The following BAZ2A variants were observed in gnomAD, a reference collection of about 807,000 sequenced individuals.
BAZ2A encodes the protein bromodomain adjacent to zinc finger domain 2A, also known as bromodomain adjacent to zinc finger domain protein 2A.
BAZ2A carries 34 observed loss-of-function variants against 199.9 expected under a neutral mutation model. The ratio of observed to expected loss-of-function variants is 0.17; its 90% CI spans 0.13 to 0.23. BAZ2A has a LOEUF of 0.23. Ranked by LOEUF, BAZ2A falls within the 10% of genes least tolerant of loss-of-function variation. The probability of loss-of-function intolerance (pLI) is 1.00; values close to 1 mark genes in which losing one functional copy is unlikely to be tolerated. For missense variants in BAZ2A, 2,002 were observed against 2,391.1 expected, an observed-to-expected ratio of 0.84 and a Z score of 3.39; for synonymous variants, 857 against 883.9, an observed-to-expected ratio of 0.97 and a Z score of 0.54.
chr12:56,602,871 G>A lies in BAZ2A; in HGVS notation c.3280-14C>T, dbSNP rs761185409. The A allele has an allele frequency of 1.9e-6, 3 of 1,602,160 alleles. No individual in the cohort carries two copies. In the African/African-American group the frequency reaches 4.0e-5, roughly 21 times the overall value. On this transcript the variant is annotated splice_polypyrimidine_tract_variant and intron_variant, in intron 18 of 28. Coordinates refer to ENST00000549884, the MANE Select transcript of BAZ2A (RefSeq NM_001300905.2). ...GAAAAGCTGACGCTGGGTAGACAATGAAAATGAAGATGAATAAACACATTT... is the reference window on the plus strand; with the variant it reads ...GAAAAGCTGACGCTGGGTAGACAATAAAAATGAAGATGAATAAACACATTT...
rs1373655522 is a variant in BAZ2A at position 56,615,004 on chromosome 12, C to A, written c.730+10G>T. The A allele has an allele frequency of 6.2e-7, 1 of 1,607,060 alleles. No individual in the cohort carries two copies. The highest frequency in any genetic ancestry group is 8.5e-7 in the Non-Finnish European group (1 of 1,177,016). Reference sequence around the variant, plus strand: ...TCCTTTCCCCACCCAGTTCACCAACCCAGTTATACCTGGCTGCTCTTCTTC... The same window carrying A: ...TCCTTTCCCCACCCAGTTCACCAACACAGTTATACCTGGCTGCTCTTCTTC... On this transcript the variant is annotated intron_variant, in intron 3 of 28. Transcript: ENST00000549884.
In BAZ2A at chr12:56,603,443, T is replaced by G. The variant is rs757166574; in HGVS notation, c.3220-25A>C. ...CCTAGGGAGAAACACATGGGCATTA[T>G]GAAAAAGGAGGTTATCAGATTCAAG... is the stretch of plus-strand genomic sequence containing the variant. On this transcript the variant is annotated intron_variant, in intron 17 of 28. Transcript: ENST00000549884. 2.5e-6 allele frequency: 4 copies of G among 1,613,772 alleles called. No individual in the cohort carries two copies. In the African/African-American group the frequency reaches 4.0e-5, roughly 16 times the overall value.
Position 56,602,182 on chromosome 12 carries a change from C to G in BAZ2A, c.3435G>C (p.Glu1145Asp). ...AGGAGTCAGTTTCCTTCTTTATCACCTCCTCAGGAACTGTAAAGAGAAGTA... is the reference window on the plus strand; with the variant it reads ...AGGAGTCAGTTTCCTTCTTTATCACGTCCTCAGGAACTGTAAAGAGAAGTA... ...EGTEGNLVPE[E>D]VIKKETDSLK... Residue 1145 changes from glutamate to aspartate, a missense_variant, in exon 20 of 29, where the codon GAG becomes GAC. Glu to Asp is a conservative substitution (Grantham distance 45). This residue lies in a region of BAZ2A where 1,081 missense variants were observed against 1,274.7 expected (regional missense o/e 0.85). Transcript: ENST00000549884. 1.3e-6 allele frequency: 2 copies of G among 1,581,814 alleles called. No homozygotes were observed. The highest frequency in any genetic ancestry group is 1.7e-6 in the Non-Finnish European group (2 of 1,162,930).
At chr12:56,613,312 A>G in intron 4 of BAZ2A, 79 bp from the exon 5 acceptor site, 1 of 1,381,504 alleles carries the variant, frequency 7.2e-7, no homozygotes, top group Non-Finnish European at 1.0e-6. Context: ...CACTGGTCAG[A>G]AAACATCCAA....
Position 56,601,623 on chromosome 12 carries a change from C to T in BAZ2A, c.3994G>A (p.Ala1332Thr), listed in dbSNP as rs1886493951. 1.2e-6 allele frequency: 2 copies of T among 1,613,828 alleles called. No homozygotes were observed. The highest frequency in any genetic ancestry group is 1.3e-5 in the African/African-American group (1 of 74,898). ...ACTGCAGGGGGCGGTGTGGGGGCAG[C>T]ATTGCAGGGCATCTGGGCTGAGATG... ...FNISAQMPCN[A>T]APTPPPAVSE... The change falls in exon 20 of 29, where the codon GCT (alanine) becomes ACT (threonine). Residue 1332 changes from alanine to threonine, a missense_variant. By Grantham distance (58) the Ala-to-Thr change is moderately conservative. This residue lies in a region of BAZ2A where 1,081 missense variants were observed against 1,274.7 expected (regional missense o/e 0.85). Coordinates refer to ENST00000549884, the MANE Select transcript of BAZ2A (RefSeq NM_001300905.2).
In BAZ2A at chr12:56,605,961, T is replaced by C. The variant is rs1488293454; in HGVS notation, c.2362A>G (p.Lys788Glu). 1 of 1,555,526 alleles carries C rather than the reference T, an allele frequency of 6.4e-7. No homozygotes were observed. The highest frequency in any genetic ancestry group is 1.2e-5 in the South Asian group (1 of 84,316). Reference protein sequence around the residue: ...VKMKEKEEVTKAKPACKADKT... With the variant: ...VKMKEKEEVTEAKPACKADKT... The stretch of plus-strand genomic sequence containing the variant: ...TCTGCTTTACAGGCTGGCTTGGCTT[T>C]GGTCACCTCCTCCTTTTCCTTCATT... Residue 788 changes from lysine (K) to glutamate (E), a missense_variant, in exon 13 of 29, where the codon AAA becomes GAA. Coordinates refer to ENST00000549884, the MANE Select transcript of BAZ2A (RefSeq NM_001300905.2).
Position 56,602,833 on chromosome 12 carries a change from G to A in BAZ2A, c.3304C>T (p.Leu1102=), listed in dbSNP as rs370841725. 52 of 1,612,532 alleles carry A rather than the reference G, an allele frequency of 3.2e-5. No individual in the cohort carries two copies. The highest frequency in any genetic ancestry group is 4.0e-5 in the Non-Finnish European group (47 of 1,178,944). Residue 1102 remains leucine, a synonymous_variant, in exon 19 of 29, where the codon CTG becomes TTG. Coordinates refer to ENST00000549884, the MANE Select transcript of BAZ2A (RefSeq NM_001300905.2). The part of the protein sequence containing the change: ...SKRQLFFRKK[L]LHSSQMLRAV... The stretch of plus-strand genomic sequence containing the variant: ...CGAAGCATCTGGGATGAGTGAAGCA[G>A]CTTTTTGCGAAAGAAAAGCTGACGC...
At chr12:56,603,798 A>G in intron 16 of BAZ2A, 98 bp from the exon 17 acceptor site, 1 of 1,377,570 alleles carries the variant, frequency 7.3e-7, no homozygotes, top group Non-Finnish European at 9.9e-7. Context: ...GGATCACCTG[A>G]GGTCAGGAGT....
upstream of BAZ2A, among the ~76,000 whole-genome samples, chr12:56,633,973 T>G (rs1034465700): frequency 3.9e-5 from 6 of 152,154 alleles, no homozygotes; most frequent in Non-Finnish European, 5.9e-5. Context: ...CCTCAAGTGA[T>G]CTGCCCACCT....
Position 56,601,030 on chromosome 12 carries a change from G to C in BAZ2A, c.4363C>G (p.Pro1455Ala). Residue 1455 changes from proline (P) to alanine (A), a missense_variant, in exon 22 of 29, where the codon CCC becomes GCC. Coordinates refer to ENST00000549884, the MANE Select transcript of BAZ2A (RefSeq NM_001300905.2). ...AGTGCCTTCTCCCGGATACCTCGGG[G>C]GTGTAGGGCCTTGAGCATGGCATCC... ...MLDAMLKALHPRGIREKALHK... is the reference protein window; with the variant it reads ...MLDAMLKALHARGIREKALHK... 6.2e-7 allele frequency: 1 copy of C among 1,610,630 alleles called. No homozygotes were observed. The highest frequency in any genetic ancestry group is 1.3e-5 in the African/African-American group (1 of 74,938).
upstream of BAZ2A, chr12:56,636,404 G>A: frequency 7.4e-7 from 1 of 1,352,500 alleles, no homozygotes; most frequent in Non-Finnish European, 9.6e-7. Flanking sequence ...GGAGGGAAGG[G>A]CGGGGCTTTC....
At chr12:56,610,748 CAG>C (rs1312037511) in intron 7 of BAZ2A, among the ~76,000 whole-genome samples, 26 of 152,174 alleles carry the variant, frequency 1.7e-4, no homozygotes, top group Admixed American at 1.7e-3. Flanking sequence ...TGCACAAGCT[CAG>C]AGAGATCTCC....
At position 56,595,956 on chromosome 12, in the gene BAZ2A, T is replaced by TCAA. The variant is rs1454684176; in HGVS notation, c.*2659_*2661dup. The TCAA allele has an allele frequency of 2.0e-5, 3 of 152,678 alleles. No homozygotes were observed. The highest frequency in any genetic ancestry group is 2.1e-4 in the South Asian group (1 of 4,832). The allele number at this position is 152,678 out of a possible 1,614,324, so 9.5% of individuals were successfully genotyped here. On this transcript the variant is annotated 3_prime_UTR_variant, in exon 29 of 29. Transcript: ENST00000549884. Reference sequence around the variant, plus strand: ...CTCTATCAAATGTGGTTTTTTTTATTCAACAACTGACAAGCACTTTTCTAC... The same window carrying TCAA: ...CTCTATCAAATGTGGTTTTTTTTATTCAACAACAACTGACAAGCACTTTTCTAC...
rs1002489046 is a variant in BAZ2A, at chr12:56,612,145, G to C, written c.1237C>G (p.Gln413Glu). Residue 413 changes from glutamine to glutamate, a missense_variant, in exon 6 of 29, where the codon CAG (glutamine) becomes GAG (glutamate). Gln to Glu is a conservative substitution (Grantham distance 29). Coordinates refer to ENST00000549884, the MANE Select transcript of BAZ2A (RefSeq NM_001300905.2). ...PPSLTQPAPDQSSTIQLHPAT... is the reference protein window; with the variant it reads ...PPSLTQPAPDESSTIQLHPAT... ...GGATGTAGCTGAATAGTGGATGACT[G>C]ATCAGGAGCTGGCTGGGTCAGGGAT... 1.6e-5 allele frequency: 26 copies of C among 1,613,806 alleles called. No homozygotes were observed. The highest frequency in any genetic ancestry group is 2.1e-5 in the Non-Finnish European group (25 of 1,179,882).
chr12:56,623,856 T>G (rs1198915997), intron 1 of BAZ2A, among the ~76,000 whole-genome samples: 1 of 152,170 alleles, frequency 6.6e-6, no homozygotes, highest in African/African-American at 2.4e-5. Context: ...CCCCACACCT[T>G]GGGAAAGTTC....
rs569097313 is a variant in BAZ2A at position 56,629,178 on chromosome 12, T to C, written c.-3+947A>G. ...CGCAGCAGCAAACGCACAGCTGCCA[T>C]TTCCCGGCCACTTCCTGCGGGAGGC... On this transcript the variant is annotated intron_variant, in intron 1 of 28. Coordinates refer to ENST00000549884, the MANE Select transcript of BAZ2A (RefSeq NM_001300905.2). 2.2e-4 allele frequency among the ~76,000 whole-genome samples: 33 copies of C among 152,276 alleles called. No individual in the cohort carries two copies. The East Asian group carries it at 6.2e-3, about 28-fold the overall frequency.
At position 56,613,025 on chromosome 12, in the gene BAZ2A, A is replaced by G. The variant is rs778530471; in HGVS notation, c.1125T>C (p.Ser375=). ...SPTSPPVLGE[S]VLQDNSFDLN... Reference sequence around the variant, plus strand: ...CCTACCGTCACTTACCTTGCAGGACAGACTCCCCTAGGACAGGTGGAGAGG... The same window carrying G: ...CCTACCGTCACTTACCTTGCAGGACGGACTCCCCTAGGACAGGTGGAGAGG... Residue 375 remains serine (S), a synonymous_variant, in exon 5 of 29, where the codon TCT becomes TCC. Transcript: ENST00000549884. 6.2e-7 allele frequency: 1 copy of G among 1,612,664 alleles called. No individual in the cohort carries two copies. Among genetic ancestry groups the G allele is most frequent in the South Asian group, 1.1e-5 (1 of 91,028 alleles).
intron 2 of BAZ2A, among the ~76,000 whole-genome samples, chr12:56,616,498 T>C (rs555592175): frequency 1.5e-3 from 223 of 152,162 alleles, no homozygotes; most frequent in Middle Eastern, 3.4e-3. Context: ...CTATAGGCAT[T>C]GGAAGGTAAT....
intron 1 of BAZ2A, among the ~76,000 whole-genome samples, chr12:56,624,027 T>C (rs1217554571): frequency 5.3e-5 from 8 of 151,764 alleles, no homozygotes; most frequent in Admixed American, 2.0e-4. Flanking sequence ...GCAGGATCAC[T>C]TGAGGCCAGG....
Sources: allele counts gnomAD v4.1 joint callset (sites outside exome capture counted in the v4.1 genomes callset), GRCh38; gene constraint gnomAD v4.1.1; regional missense constraint gnomAD v4.1.1; transcripts MANE v1.5; gene names NCBI Gene and HGNC (gene_info 2026-07-23, HGNC 2026-07-21).